Variants in STRBP observed in about 807,000 individuals in gnomAD.
The protein encoded by STRBP is spermatid perinuclear RNA binding protein, also known as spermatid perinuclear RNA-binding protein.
In STRBP, 13 loss-of-function variants were observed where a neutral mutation model predicts 80.1. That is an observed-to-expected ratio of 0.16 (90% CI 0.11 to 0.26). The LOEUF (loss-of-function observed/expected upper bound fraction) is 0.26, where lower values mean the gene tolerates loss of function less well. STRBP is among the 10% of genes least tolerant of loss of function. The pLI, the probability that STRBP is intolerant of heterozygous loss-of-function variation, is 1.00. For synonymous variants in STRBP, 284 were observed against 291.2 expected, an observed-to-expected ratio of 0.98 and a Z score of 0.25; for missense variants, 485 against 815.2, an observed-to-expected ratio of 0.59 and a Z score of 4.93.
chr9:123,147,167 G>T (rs1202288696), intron 12 of STRBP, 113 bp from the exon 13 acceptor site: 3 of 731,856 alleles, frequency 4.1e-6, no homozygotes, highest in East Asian at 2.7e-5. Flanking sequence ...TTTAAATGAG[G>T]ATTTCAAAAC....
chr9:123,185,744 T>G (rs1045517906), intron 2 of STRBP, among the ~76,000 whole-genome samples: 1 of 152,184 alleles, frequency 6.6e-6, no homozygotes, highest in Non-Finnish European at 1.5e-5. Flanking sequence ...CAAAAACGAT[T>G]GCTATGTGTT....
Position 123,160,983 on chromosome 9 carries a change from C to G in STRBP, c.621G>C (p.Trp207Cys). 6.3e-7 allele frequency: 1 copy of G among 1,583,014 alleles called. No homozygotes were observed. Among genetic ancestry groups the G allele is most frequent in the Non-Finnish European group, 8.5e-7 (1 of 1,172,038 alleles). Residue 207 changes from tryptophan to cysteine, a missense_variant, in exon 7 of 19, where the codon TGG becomes TGC. Around this residue, in one of 3 missense-constraint regions of STRBP, gnomAD observed 377 missense variants for 616.1 expected, o/e 0.61. Coordinates refer to ENST00000348403, the MANE Select transcript of STRBP (RefSeq NM_018387.5). ...ATAGTAAGAAAAAGCCAACCTGAAA[C>G]CATTTGGCATGTCGAAGAGACGCCA... ...NALASLRHAK[W>C]FQARANGLKS...
rs866436199 is a variant in STRBP, at chr9:123,185,214, T to A, written c.-164-916A>T. On this transcript the variant is annotated intron_variant, in intron 2 of 18. Transcript: ENST00000348403. ...ACTCACAAAGAAAATAACTTTCTCT[T>A]CATTTAAATATCTTTCCTTTAATAA... 1.6e-4 allele frequency among the ~76,000 whole-genome samples: 25 copies of A among 152,290 alleles called. 1 individual carries two copies. The Middle Eastern group carries it at 0.01, about 62-fold the overall frequency.
intron 1 of STRBP, among the ~76,000 whole-genome samples, chr9:123,267,786 C>T (rs981441301): frequency 6.6e-6 from 1 of 151,278 alleles, no homozygotes; most frequent in African/African-American, 2.4e-5. Context: ...CTGCTCGAGT[C>T]CCCAGTCTTC....
rs2035797732 is a variant in STRBP at position 123,123,553 on chromosome 9, TG to T, written c.*2043del. Reference sequence around the variant, plus strand: ...AAATTAAAAAAAAAAAAAAAAGACTTGGTAGAAACCATTTGAAATGACTGCC... The same window carrying T: ...AAATTAAAAAAAAAAAAAAAAGACTTGTAGAAACCATTTGAAATGACTGCC... On this transcript the variant is annotated 3_prime_UTR_variant, in exon 19 of 19. Transcript: ENST00000348403. The T allele has an allele frequency of 2.0e-6, 2 of 982,212 alleles. No individual in the cohort carries two copies. Among genetic ancestry groups the T allele is most frequent in the Admixed American group, 1.2e-4 (2 of 16,002 alleles). 60.8% of individuals were successfully genotyped at this position (982,212 alleles called of 1,614,324 possible). A position where few individuals can be genotyped will look rare whatever the true frequency, so the allele number is the denominator to read the frequency against.
chr9:123,138,734 G>T (rs1172229292), intron 14 of STRBP, among the ~76,000 whole-genome samples: 2 of 152,196 alleles, frequency 1.3e-5, no homozygotes, highest in African/African-American at 2.4e-5. Context: ...TAGCCTGGGA[G>T]CATCTCCAGG....
rs2035758834 is a variant in STRBP at position 123,122,364 on chromosome 9, T to C, written c.*3233A>G. 2 of 1,285,148 alleles carry C rather than the reference T, an allele frequency of 1.6e-6. No homozygotes were observed. The highest frequency in any genetic ancestry group is 1.2e-5 in the South Asian group (1 of 80,124). The allele number at this position is 1,285,148 out of a possible 1,614,324, so 79.6% of individuals were successfully genotyped here. On this transcript the variant is annotated 3_prime_UTR_variant, in exon 19 of 19. Coordinates refer to ENST00000348403, the MANE Select transcript of STRBP (RefSeq NM_018387.5). Reference sequence around the variant, plus strand: ...GAGGGTCCAACACCAGTTTTAAAAATACATTAACGAGGTATTCCCAGCTCT... The same window carrying C: ...GAGGGTCCAACACCAGTTTTAAAAACACATTAACGAGGTATTCCCAGCTCT...
At chr9:123,129,832 A>C (rs530696735) in intron 17 of STRBP, among the ~76,000 whole-genome samples, 1 of 152,300 alleles carries the variant, frequency 6.6e-6, no homozygotes, top group South Asian at 2.1e-4. Context: ...AGGGATGAAC[A>C]ATTTTTACTT....
At chr9:123,205,836 A>G (rs2039494499) in intron 2 of STRBP, among the ~76,000 whole-genome samples, 1 of 152,236 alleles carries the variant, frequency 6.6e-6, no homozygotes, top group Non-Finnish European at 1.5e-5. Flanking sequence ...AGAACAATTC[A>G]ATATCTTTGG....
intron 12 of STRBP, among the ~76,000 whole-genome samples, chr9:123,147,312 A>G (rs929930491): frequency 2.0e-5 from 3 of 152,198 alleles, no homozygotes; most frequent in Non-Finnish European, 2.9e-5. Flanking sequence ...CTTGGAAACA[A>G]AAAAGTTATC....
In STRBP at chr9:123,197,667, C is replaced by CTTT. The variant is rs71388358; in HGVS notation, c.-164-13372_-164-13370dup. On this transcript the variant is annotated intron_variant, in intron 2 of 18. Transcript: ENST00000348403. ...ATACAAGTTGCTGTGAAACATATTT[C>CTTT]TTTTTTTTTTTTTTTTTTTTTTTTT... Among the ~76,000 whole-genome samples the CTTT allele has an allele frequency of 4.3e-3, 374 of 87,376 alleles. 14 individuals carry two copies. Among genetic ancestry groups the CTTT allele is most frequent in the Non-Finnish European group, 5.0e-3 (254 of 50,420 alleles). 57.3% of individuals were successfully genotyped at this position (87,376 alleles called of 152,430 possible).
intron 2 of STRBP, among the ~76,000 whole-genome samples, chr9:123,218,863 C>T (rs1238911783): frequency 6.6e-6 from 1 of 152,190 alleles, no homozygotes; most frequent in Non-Finnish European, 1.5e-5. Context: ...TGATGCCTCA[C>T]ATTTACATAG....
chr9:123,125,219 G>A lies in STRBP; in HGVS notation c.*378C>T, dbSNP rs1254443058. 3.0e-6 allele frequency: 3 copies of A among 992,982 alleles called. No individual in the cohort carries two copies. Among genetic ancestry groups the A allele is most frequent in the Non-Finnish European group, 1.2e-6 (1 of 834,910 alleles). 61.5% of individuals were successfully genotyped at this position (992,982 alleles called of 1,614,324 possible). A position where few individuals can be genotyped will look rare whatever the true frequency, so the allele number is the denominator to read the frequency against. On this transcript the variant is annotated 3_prime_UTR_variant, in exon 19 of 19. Coordinates refer to ENST00000348403, the MANE Select transcript of STRBP (RefSeq NM_018387.5). ...CATCAGGAACCAGGCAGTACTCTGT[G>A]TTACAACAAAGCAGTTTATTTGTGA...
At position 123,147,853 on chromosome 9, in the gene STRBP, G is replaced by C. The variant is rs1304638083; in HGVS notation, c.1063C>G (p.Leu355Val). The change falls in exon 12 of 19, where the codon CTA becomes GTA. Residue 355 changes from leucine (L) to valine (V), a missense_variant. Physicochemically the swap from Leu to Val is conservative, Grantham distance 32. This residue lies in a region of STRBP where 377 missense variants were observed against 616.1 expected (regional missense o/e 0.61). Coordinates refer to ENST00000348403, the MANE Select transcript of STRBP (RefSeq NM_018387.5). The part of the protein sequence containing the change: ...TDKEGAGSSA[L>V]KRPFEDGLGD... Reference sequence around the variant, plus strand: ...AATCCATCTTCAAATGGCCTCTTTAGAGCTGAAGACCCAGCACCTAAAAAA... The same window carrying C: ...AATCCATCTTCAAATGGCCTCTTTACAGCTGAAGACCCAGCACCTAAAAAA... 8.7e-6 allele frequency: 14 copies of C among 1,612,104 alleles called. No homozygotes were observed. Among genetic ancestry groups the C allele is most frequent in the Admixed American group, 3.3e-5 (2 of 59,834 alleles).
chr9:123,257,417 AACAC>A (rs112138505), intron 1 of STRBP, among the ~76,000 whole-genome samples: 79 of 147,734 alleles, frequency 5.3e-4, no homozygotes, highest in African/African-American at 1.9e-3. Flanking sequence ...AAAACACACA[AACAC>A]ACACACACAC....
chr9:123,130,562 G>GAACA (rs533303492), intron 17 of STRBP, among the ~76,000 whole-genome samples: 17 of 152,186 alleles, frequency 1.1e-4, no homozygotes, highest in Non-Finnish European at 2.1e-4. Flanking sequence ...AGCCCCAATA[G>GAACA]AACACATCAT....
At chr9:123,142,654 C>T (rs1460507946) in intron 13 of STRBP, among the ~76,000 whole-genome samples, 1 of 152,124 alleles carries the variant, frequency 6.6e-6, no homozygotes, top group African/African-American at 2.4e-5. Context: ...GGCTACAAAT[C>T]CTCACTTGTC....
At position 123,136,511 on chromosome 9, in the gene STRBP, C is replaced by A. The variant is rs2036358560; in HGVS notation, c.1502G>T (p.Arg501Ile). The change falls in exon 15 of 19, where the codon AGA (arginine) becomes ATA (isoleucine). Residue 501 changes from arginine to isoleucine, a missense_variant. Coordinates refer to ENST00000348403, the MANE Select transcript of STRBP (RefSeq NM_018387.5). This position sits in a 1 kb window ranked among gnomAD's most constrained non-coding sequence, Gnocchi z 4.2. ...TTETSSTLEV[R>I]TQGPILTASG... ...TGCTGTGAGGATAGGGCCCTGAGTT[C>A]TTACCTATAAGAGAAAGGGAATCTG... 7 of 1,613,510 alleles carry A rather than the reference C, an allele frequency of 4.3e-6. No homozygotes were observed. Among genetic ancestry groups the A allele is most frequent in the Non-Finnish European group, 5.9e-6 (7 of 1,179,864 alleles).
chr9:123,167,753 T>A (rs1397195602), intron 6 of STRBP, among the ~76,000 whole-genome samples: 2 of 152,014 alleles, frequency 1.3e-5, no homozygotes, highest in African/African-American at 4.8e-5. Flanking sequence ...CTCATAGAGG[T>A]CTTTGGATCC....
Sources: allele counts gnomAD v4.1 joint callset (sites outside exome capture counted in the v4.1 genomes callset), GRCh38; gene constraint gnomAD v4.1.1; regional missense constraint gnomAD v4.1.1; non-coding constraint Gnocchi (gnomAD v3.1); transcripts MANE v1.5; gene names NCBI Gene and HGNC (gene_info 2026-07-23, HGNC 2026-07-21).